The following RORA variants were observed in gnomAD, a reference collection of about 807,000 sequenced individuals.
The protein encoded by RORA is RAR related orphan receptor A.
A neutral mutation model predicts 69.5 loss-of-function variants in RORA; 7 were observed. That is an observed-to-expected ratio of 0.10 (90% CI 0.06 to 0.19). RORA has a LOEUF of 0.19. Ranked by LOEUF, RORA falls within the 10% of genes least tolerant of loss-of-function variation. RORA has a pLI of 1.00. For synonymous variants in RORA, 261 were observed against 240.8 expected (o/e 1.08, Z -0.78); for missense variants, 457 against 663.0 (o/e 0.69, Z 3.41).
chr15:60,624,700 A>G (rs339986), intron 2 of RORA, among the ~76,000 whole-genome samples: 4,974 of 151,876 alleles, frequency 0.033, 253 homozygotes, highest in African/African-American at 0.11. Flanking sequence ...GTTAGTTGGT[A>G]TTTTCTTCCT....
chr15:61,198,679 A>AG, intron 1 of RORA, among the ~76,000 whole-genome samples: 1 of 151,550 alleles, frequency 6.6e-6, no homozygotes, highest in Admixed American at 6.6e-5. Flanking sequence ...TTCTCTCAAA[A>AG]AAAAAAAAAA....
intron 2 of RORA, among the ~76,000 whole-genome samples, chr15:60,665,457 A>G (rs762503695): frequency 4.6e-5 from 7 of 152,232 alleles, no homozygotes; most frequent in Non-Finnish European, 1.0e-4. Flanking sequence ...CTTCATATCT[A>G]GAAAGATAGG....
intron 2 of RORA, among the ~76,000 whole-genome samples, chr15:60,635,504 T>G (rs2069818790): frequency 6.6e-6 from 1 of 152,224 alleles, no homozygotes; most frequent in African/African-American, 2.4e-5. Flanking sequence ...GTCATCTTTA[T>G]TAAGGTGTTT....
In RORA at chr15:60,656,857, T is replaced by C. The variant is rs148827138; in HGVS notation, c.196+21800A>G. ...TTCCTCCCCATTAGTGGTGGCTTGC[T>C]CTAAGATAAAAATACCACACTTAAG... On this transcript the variant is annotated intron_variant, in intron 2 of 10. Transcript: ENST00000335670. Among the ~76,000 whole-genome samples, 44 of 152,322 alleles carry C rather than the reference T, an allele frequency of 2.9e-4. No individual in the cohort carries two copies. In the East Asian group the frequency reaches 8.3e-3, roughly 29 times the overall value.
At chr15:60,938,882 C>T (rs1253636515) in intron 1 of RORA, among the ~76,000 whole-genome samples, 1 of 152,224 alleles carries the variant, frequency 6.6e-6, no homozygotes, top group East Asian at 1.9e-4. Context: ...TGTGTGTAAA[C>T]TCCGAGTAAT....
At chr15:61,086,381 G>A (rs768220412) in intron 1 of RORA, among the ~76,000 whole-genome samples, 16 of 152,178 alleles carry the variant, frequency 1.1e-4, no homozygotes, top group South Asian at 2.1e-4. Context: ...ATTTAACTGC[G>A]ATAGTTTATG....
chr15:60,664,372 G>A (rs2070350899), intron 2 of RORA, among the ~76,000 whole-genome samples: 2 of 152,086 alleles, frequency 1.3e-5, no homozygotes, highest in African/African-American at 4.8e-5. Context: ...ATTGCACTTG[G>A]CTGTGTGAAA....
At chr15:60,993,748 C>T (rs1189780890) in intron 1 of RORA, among the ~76,000 whole-genome samples, 7 of 151,404 alleles carry the variant, frequency 4.6e-5, no homozygotes, top group African/African-American at 1.7e-4. Context: ...AGTCCAACTC[C>T]TTTTTCTAAG....
intron 10 of RORA, among the ~76,000 whole-genome samples, chr15:60,498,089 T>C (rs966828365): frequency 6.6e-6 from 1 of 151,974 alleles, no homozygotes; most frequent in Non-Finnish European, 1.5e-5. Flanking sequence ...AATGATGATA[T>C]AGTCATGTCA....
At chr15:61,051,296 G>GGGGC (rs1325950916) in intron 1 of RORA, among the ~76,000 whole-genome samples, 13 of 152,142 alleles carry the variant, frequency 8.5e-5, no homozygotes, top group African/African-American at 3.1e-4. Context: ...GCAGAAAGTA[G>GGGGC]GGGCTGGCTA....
chr15:60,686,116 G>A (rs1279167751), intron 1 of RORA, among the ~76,000 whole-genome samples: 2 of 152,088 alleles, frequency 1.3e-5, no homozygotes, highest in African/African-American at 2.4e-5. Flanking sequence ...CCTGACATTA[G>A]TGCCCAGAAA....
At chr15:61,032,702 T>C (rs948096212) in intron 1 of RORA, among the ~76,000 whole-genome samples, 1 of 152,168 alleles carries the variant, frequency 6.6e-6, no homozygotes, top group Non-Finnish European at 1.5e-5. Context: ...CCCAGACATC[T>C]ACCTATTCCT....
chr15:61,085,774 C>A (rs1241232638), intron 1 of RORA, among the ~76,000 whole-genome samples: 1 of 152,176 alleles, frequency 6.6e-6, no homozygotes, highest in Non-Finnish European at 1.5e-5. Flanking sequence ...TTTGTTTTTC[C>A]ATGCCCCCAG....
chr15:60,670,844 A>C (rs1276018031), intron 2 of RORA, among the ~76,000 whole-genome samples: 1 of 152,088 alleles, frequency 6.6e-6, no homozygotes, highest in East Asian at 1.9e-4. Flanking sequence ...AAATCAGTGT[A>C]AAAAATTTAG....
intron 1 of RORA, among the ~76,000 whole-genome samples, chr15:61,024,981 T>G (rs1430081589): frequency 6.6e-6 from 1 of 152,234 alleles, no homozygotes; most frequent in Non-Finnish European, 1.5e-5. Flanking sequence ...TTGTTTGTTT[T>G]GCTTTGGTTT....
At chr15:60,888,452 G>A (rs756955429) in intron 1 of RORA, among the ~76,000 whole-genome samples, 6 of 152,146 alleles carry the variant, frequency 3.9e-5, no homozygotes, top group South Asian at 2.1e-4. Flanking sequence ...GGAAGATTAC[G>A]TGTGCACATG....
At chr15:61,168,985 C>T (rs1026536061) in intron 1 of RORA, among the ~76,000 whole-genome samples, 12 of 152,194 alleles carry the variant, frequency 7.9e-5, no homozygotes, top group Non-Finnish European at 1.6e-4. Context: ...TGATTTCTTT[C>T]TCCCTCCAAG....
intron 1 of RORA, among the ~76,000 whole-genome samples, chr15:60,740,628 C>T (rs143414480): frequency 1.3e-4 from 20 of 152,212 alleles, no homozygotes; most frequent in African/African-American, 4.8e-4. Flanking sequence ...GTTGAAACCA[C>T]CCCAGGAAGA....
chr15:60,707,329 CTTTAT>C (rs1389156427), intron 1 of RORA, among the ~76,000 whole-genome samples: 2 of 134,978 alleles, frequency 1.5e-5, no homozygotes, highest in African/African-American at 5.4e-5. Flanking sequence ...TCATCTATTT[CTTTAT>C]TTTATTTATT....
Sources: gnomAD v4.1 joint callset for allele counts (sites outside exome capture counted in the v4.1 genomes callset) on GRCh38, gnomAD v4.1.1 for gene constraint, MANE v1.5 for transcripts, NCBI Gene and HGNC (gene_info 2026-07-23, HGNC 2026-07-21) for gene names.